Variants in SLC39A11 observed in about 807,000 individuals in gnomAD.
SLC39A11 encodes solute carrier family 39 member 11.
Under a neutral mutation model 36.1 loss-of-function variants are expected in SLC39A11, and 33 were observed. That is an observed-to-expected ratio of 0.91 (90% confidence interval 0.69 to 1.22). The LOEUF is 1.22. Ranked by LOEUF, SLC39A11 falls within the 50% of genes most tolerant of loss-of-function variation. The pLI is 0.00. For synonymous variants in SLC39A11, 166 were observed against 170.3 expected (o/e 0.97, Z 0.20); for missense variants, 432 against 430.3 (o/e 1.00, Z -0.03).
rs532114792 is a variant in SLC39A11 at position 72,829,107 on chromosome 17, T to C, written c.601+20527A>G. Among the ~76,000 whole-genome samples the C allele has an allele frequency of 1.0e-3, 155 of 152,116 alleles. 1 individual carries two copies. The highest frequency in any genetic ancestry group is 3.5e-3 in the African/African-American group (144 of 41,504). On this transcript the variant is annotated intron_variant, in intron 6 of 9. Coordinates refer to ENST00000255559, the MANE Select transcript of SLC39A11 (RefSeq NM_139177.4). ...CGGCTCACACCTGTAATCCCAGCACTTTGAGAGGCCGAGGTGGGAGGATCA... is the reference window on the plus strand; with the variant it reads ...CGGCTCACACCTGTAATCCCAGCACCTTGAGAGGCCGAGGTGGGAGGATCA...
intron 6 of SLC39A11, among the ~76,000 whole-genome samples, chr17:72,767,131 C>G (rs9898807): frequency 0.015 from 2,341 of 152,354 alleles, 44 homozygotes; most frequent in African/African-American, 0.053. Flanking sequence ...CAGGTTTATT[C>G]TCCAAAATAA....
At chr17:72,871,974 G>A (rs544130058) in intron 5 of SLC39A11, among the ~76,000 whole-genome samples, 53 of 152,162 alleles carry the variant, frequency 3.5e-4, no homozygotes, top group Non-Finnish European at 6.5e-4. Flanking sequence ...TTCAATTGTA[G>A]GACACTCAGC....
intron 6 of SLC39A11, among the ~76,000 whole-genome samples, chr17:72,783,859 C>T (rs1273022082): frequency 6.6e-6 from 1 of 152,120 alleles, no homozygotes; most frequent in Non-Finnish European, 1.5e-5. Flanking sequence ...GCTGGGGGGT[C>T]TCCATGCCCC....
intron 6 of SLC39A11, among the ~76,000 whole-genome samples, chr17:72,758,074 C>T (rs1436428756): frequency 1.3e-5 from 2 of 151,928 alleles, no homozygotes; most frequent in African/African-American, 2.4e-5. Context: ...TTAGTAGAGA[C>T]GGGGTTTCAC....
At chr17:72,846,375 CA>C in intron 6 of SLC39A11, among the ~76,000 whole-genome samples, 1 of 151,796 alleles carries the variant, frequency 6.6e-6, no homozygotes, top group Non-Finnish European at 1.5e-5. Flanking sequence ...ATAGAAGTGA[CA>C]AAGGCTGAAC....
chr17:72,693,030 G>A (rs546025402), intron 7 of SLC39A11, among the ~76,000 whole-genome samples: 1 of 152,190 alleles, frequency 6.6e-6, no homozygotes, highest in Non-Finnish European at 1.5e-5. Context: ...CATTCTAGGG[G>A]TTTTATCGGA....
intron 3 of SLC39A11, among the ~76,000 whole-genome samples, chr17:73,081,538 C>T (rs1170601302): frequency 6.6e-6 from 1 of 151,468 alleles, no homozygotes; most frequent in African/African-American, 2.4e-5. Flanking sequence ...TTTATAGCAA[C>T]ACAATTCACA....
At chr17:72,685,333 G>C (rs897251258) in intron 7 of SLC39A11, among the ~76,000 whole-genome samples, 7 of 152,252 alleles carry the variant, frequency 4.6e-5, no homozygotes, top group African/African-American at 1.7e-4. Flanking sequence ...TTGAAAAGGT[G>C]CAACTGCAAC....
At position 72,900,222 on chromosome 17, in the gene SLC39A11, AAAGAAAG is replaced by A. The variant is rs1328610947; in HGVS notation, c.430+47523_430+47529del. Among the ~76,000 whole-genome samples the A allele has an allele frequency of 2.6e-5, 4 of 151,294 alleles. 1 individual carries two copies. In the East Asian group the frequency reaches 7.7e-4, roughly 29 times the overall value. ...GAAAGAAAGAAAGAAAGAAAGAAAG[AAAGAAAG>A]AAAAAGACAGCAAGGCAAGGAGATG... On this transcript the variant is annotated intron_variant, in intron 5 of 9. Coordinates refer to ENST00000255559, the MANE Select transcript of SLC39A11 (RefSeq NM_139177.4).
intron 3 of SLC39A11, among the ~76,000 whole-genome samples, chr17:73,063,483 C>T (rs935202602): frequency 6.6e-6 from 1 of 151,976 alleles, no homozygotes; most frequent in African/African-American, 2.4e-5. Flanking sequence ...GGTGCAGTGG[C>T]GCGTGCCTGT....
chr17:72,744,813 G>C (rs908555316), intron 6 of SLC39A11, among the ~76,000 whole-genome samples: 1 of 152,154 alleles, frequency 6.6e-6, no homozygotes, highest in Non-Finnish European at 1.5e-5. Flanking sequence ...TGATACCATC[G>C]CATTGGGGGT....
intron 6 of SLC39A11, among the ~76,000 whole-genome samples, chr17:72,737,412 A>G (rs1017165572): frequency 6.6e-6 from 1 of 152,146 alleles, no homozygotes; most frequent in African/African-American, 2.4e-5. Flanking sequence ...AGCACAGTTG[A>G]GTAGTTGGGA....
chr17:72,780,519 A>AT (rs2076273832), intron 6 of SLC39A11, among the ~76,000 whole-genome samples: 1 of 8,940 alleles, frequency 1.1e-4, no homozygotes, highest in African/African-American at 3.2e-4. Flanking sequence ...GGCCCTGAAG[A>AT]TGGGGGGCGG....
intron 7 of SLC39A11, among the ~76,000 whole-genome samples, chr17:72,721,717 C>T (rs928816488): frequency 3.9e-5 from 6 of 152,196 alleles, no homozygotes; most frequent in African/African-American, 9.6e-5. Flanking sequence ...TGCCTGTAAT[C>T]GCAGCACTTT....
chr17:72,723,050 G>A (rs1367475012), intron 7 of SLC39A11, among the ~76,000 whole-genome samples: 2 of 152,172 alleles, frequency 1.3e-5, no homozygotes, highest in Non-Finnish European at 2.9e-5. Context: ...GCCGTCGTTT[G>A]TCAGTCTTTA....
At chr17:72,832,360 C>A (rs1406066635) in intron 6 of SLC39A11, among the ~76,000 whole-genome samples, 4 of 152,196 alleles carry the variant, frequency 2.6e-5, no homozygotes, top group Non-Finnish European at 4.4e-5. Context: ...AGACTTCTAC[C>A]CCCTCGAATA....
Position 73,090,967 on chromosome 17 carries a change from G to A in SLC39A11, c.-12+1644C>T, listed in dbSNP as rs76781746. Among the ~76,000 whole-genome samples the A allele has an allele frequency of 6.3e-3, 953 of 152,228 alleles. 14 individuals are homozygous for A. The highest frequency in any genetic ancestry group is 0.022 in the African/African-American group (912 of 41,536). On this transcript the variant is annotated intron_variant, in intron 1 of 9. Transcript: ENST00000255559. ...TCTCTATTTGCTGTTTTAAATCCTCGCTACAAGGGTGGTCAGAGAACCAGC... is the reference window on the plus strand; with the variant it reads ...TCTCTATTTGCTGTTTTAAATCCTCACTACAAGGGTGGTCAGAGAACCAGC...
rs543251334 is a variant in SLC39A11 at position 72,766,171 on chromosome 17, A to C, written c.602-29452T>G. Among the ~76,000 whole-genome samples the C allele has an allele frequency of 1.5e-3, 225 of 152,240 alleles. 1 individual carries two copies. Among genetic ancestry groups the C allele is most frequent in the African/African-American group, 4.2e-3 (175 of 41,546 alleles). On this transcript the variant is annotated intron_variant, in intron 6 of 9. Transcript: ENST00000255559. ...GGAGGGTGAGAATGACACCTACCCC[A>C]CAAGGTGGAGGTGAGGATGGAGTGA...
intron 4 of SLC39A11, among the ~76,000 whole-genome samples, chr17:73,019,026 CATCTT>C (rs1428160302): frequency 2.0e-5 from 3 of 152,184 alleles, no homozygotes; most frequent in Admixed American, 6.5e-5. Flanking sequence ...CTTAGAATCT[CATCTT>C]CAACGTCCTA....
Sources: allele counts gnomAD v4.1 joint callset (sites outside exome capture counted in the v4.1 genomes callset), GRCh38; gene constraint gnomAD v4.1.1; transcripts MANE v1.5; gene names NCBI Gene and HGNC (gene_info 2026-07-23, HGNC 2026-07-21).